Variants in RFX4 observed in about 807,000 individuals in gnomAD.
The protein encoded by RFX4 is regulatory factor X4.
A neutral mutation model predicts 95.0 loss-of-function variants in RFX4; 10 were observed. The ratio of observed to expected loss-of-function variants is 0.11; its 90% CI spans 0.06 to 0.18. The LOEUF (loss-of-function observed/expected upper bound fraction) is 0.18, where lower values mean the gene tolerates loss of function less well. Among genes scored for constraint, RFX4 ranks in the 10% least tolerant of loss-of-function variants. RFX4 has a pLI of 1.00. For missense variants in RFX4, 640 were observed against 922.0 expected (o/e 0.69, Z 3.96); for synonymous variants, 321 against 340.7 (o/e 0.94, Z 0.64).
chr12:106,740,024 G>A (rs773764293), intron 15 of RFX4, among the ~76,000 whole-genome samples: 1 of 152,118 alleles, frequency 6.6e-6, no homozygotes, highest in South Asian at 2.1e-4. Context: ...CTAAAACCTC[G>A]TTTATGATGT....
At chr12:106,672,262 GCCA>G (rs933015918) in intron 4 of RFX4, among the ~76,000 whole-genome samples, 26 of 152,262 alleles carry the variant, frequency 1.7e-4, no homozygotes, top group African/African-American at 5.5e-4. Flanking sequence ...GAGTGACATG[GCCA>G]CCACCACCTA....
chr12:106,705,365 C>T (rs550321720), intron 8 of RFX4, among the ~76,000 whole-genome samples: 8 of 152,250 alleles, frequency 5.3e-5, no homozygotes, highest in East Asian at 3.9e-4. Flanking sequence ...GGCAGCCAGC[C>T]GCACAAGAGG....
At chr12:106,658,836 C>T (rs1460516233) in intron 4 of RFX4, among the ~76,000 whole-genome samples, 1 of 152,140 alleles carries the variant, frequency 6.6e-6, no homozygotes, top group East Asian at 1.9e-4. Flanking sequence ...GCTGCTTTGG[C>T]CCCTCGGGTA....
intron 8 of RFX4, among the ~76,000 whole-genome samples, chr12:106,701,601 A>G (rs1439011681): frequency 2.0e-5 from 3 of 152,082 alleles, no homozygotes; most frequent in Non-Finnish European, 4.4e-5. Context: ...AGTAATTTTT[A>G]CTGACCTATC....
intron 4 of RFX4, among the ~76,000 whole-genome samples, chr12:106,678,631 A>C (rs998912781): frequency 6.6e-6 from 1 of 152,230 alleles, no homozygotes; most frequent in Non-Finnish European, 1.5e-5. Flanking sequence ...TAAATATACA[A>C]ACCCTTTTTG....
intron 2 of RFX4, among the ~76,000 whole-genome samples, chr12:106,624,731 T>A (rs924467674): frequency 1.3e-5 from 2 of 152,174 alleles, no homozygotes; most frequent in African/African-American, 4.8e-5. Context: ...ATATTTACTA[T>A]CTGGCTCTAT....
In RFX4 at chr12:106,646,680, G is replaced by A. The variant is rs150987642; in HGVS notation, c.191+7288G>A. ...AAACCTACAGGTTCAGCAATCACCCGTGGGATGCCAGGCTTGTCAGGTGAT... is the reference window on the plus strand; with the variant it reads ...AAACCTACAGGTTCAGCAATCACCCATGGGATGCCAGGCTTGTCAGGTGAT... On this transcript the variant is annotated intron_variant, in intron 3 of 17. Coordinates refer to ENST00000392842, the MANE Select transcript of RFX4 (RefSeq NM_213594.3). 3.1e-4 allele frequency among the ~76,000 whole-genome samples: 47 copies of A among 152,252 alleles called. 2 individuals carry two copies. The highest frequency in any genetic ancestry group is 1.0e-3 in the African/African-American group (43 of 41,556).
At chr12:106,704,802 T>A (rs1765997920) in intron 8 of RFX4, among the ~76,000 whole-genome samples, 1 of 151,872 alleles carries the variant, frequency 6.6e-6, no homozygotes. Context: ...AGTAAGAAAG[T>A]GTGTGTGTAT....
chr12:106,731,998 C>T lies in RFX4; in HGVS notation c.1352-132C>T, dbSNP rs948833066. On this transcript the variant is annotated intron_variant, in intron 13 of 17. Coordinates refer to ENST00000392842, the MANE Select transcript of RFX4 (RefSeq NM_213594.3). ...CTGCAACCTATGACCATGAGGAGAT[C>T]ATAATTGAGTGGAAAATTAGACTCT... 4.6e-6 allele frequency: 6 copies of T among 1,312,404 alleles called. No individual in the cohort carries two copies. The African/African-American group carries it at 8.8e-5, about 19-fold the overall frequency. 81.3% of individuals were successfully genotyped at this position (1,312,404 alleles called of 1,614,324 possible).
chr12:106,623,660 C>T (rs750874114), intron 2 of RFX4, among the ~76,000 whole-genome samples: 18 of 152,182 alleles, frequency 1.2e-4, no homozygotes, highest in Non-Finnish European at 2.2e-4. Flanking sequence ...ATGCTTTGGC[C>T]TGTGGTCCCA....
rs2042622389 is a variant in RFX4, at chr12:106,732,047, TGTAA to T, written c.1352-82_1352-79del. Reference sequence around the variant, plus strand: ...CTTGAGCAGAGCATTTAGAACACTGTGTAACTTGTGCAGTTGACCAGACAGAGGG... The same window carrying T: ...CTTGAGCAGAGCATTTAGAACACTGTCTTGTGCAGTTGACCAGACAGAGGG... On this transcript the variant is annotated intron_variant, in intron 13 of 17. Coordinates refer to ENST00000392842, the MANE Select transcript of RFX4 (RefSeq NM_213594.3). 2.6e-6 allele frequency: 4 copies of T among 1,561,194 alleles called. No homozygotes were observed. In the African/African-American group the frequency reaches 5.4e-5, roughly 21 times the overall value.
At chr12:106,749,723 T>C (rs1022122762) in intron 16 of RFX4, among the ~76,000 whole-genome samples, 1 of 152,208 alleles carries the variant, frequency 6.6e-6, no homozygotes, top group African/African-American at 2.4e-5. Flanking sequence ...TGTTCACACA[T>C]ACGATCCTCA....
At chr12:106,654,195 C>T in intron 3 of RFX4, 33 bp from the exon 4 acceptor site, 5 of 1,613,542 alleles carry the variant, frequency 3.1e-6, no homozygotes, top group South Asian at 1.1e-5. Flanking sequence ...GAAGGTAACA[C>T]ATTTTTTGCT....
intron 17 of RFX4, among the ~76,000 whole-genome samples, chr12:106,758,950 G>A (rs548757985): frequency 3.3e-5 from 5 of 152,276 alleles, no homozygotes; most frequent in South Asian, 2.1e-4. Flanking sequence ...TAGTAGTAAC[G>A]TCCCAATGTT....
chr12:106,740,275 T>C (rs1226284737), intron 15 of RFX4, among the ~76,000 whole-genome samples: 1 of 152,148 alleles, frequency 6.6e-6, no homozygotes, highest in African/African-American at 2.4e-5. Flanking sequence ...AACCGACCCT[T>C]AGTCTTTCCA....
chr12:106,724,332 G>A (rs1244365447), intron 13 of RFX4, among the ~76,000 whole-genome samples: 1 of 152,230 alleles, frequency 6.6e-6, no homozygotes, highest in African/African-American at 2.4e-5. Context: ...TGCAGCAAAT[G>A]TCAGAATTCT....
chr12:106,703,530 G>A (rs532673132), intron 8 of RFX4, among the ~76,000 whole-genome samples: 11 of 152,258 alleles, frequency 7.2e-5, no homozygotes, highest in African/African-American at 1.4e-4. Context: ...TCAAGTGAAC[G>A]GAGGCTAAAT....
Position 106,601,272 on chromosome 12 carries a change from A to C in RFX4, c.44-7525A>C, listed in dbSNP as rs372101740. 4.4e-6 allele frequency: 7 copies of C among 1,587,572 alleles called. No individual in the cohort carries two copies. The African/African-American group carries it at 5.4e-5, about 12-fold the overall frequency. ...AGGAGAGAGACAGAAAGGGGCTGAG[A>C]CAGAATGATCAAAAGGAGAGCCCAC... On this transcript the variant is annotated intron_variant, in intron 1 of 17. Transcript: ENST00000392842.
At chr12:106,670,257 C>A (rs1330291461) in intron 4 of RFX4, among the ~76,000 whole-genome samples, 1 of 152,118 alleles carries the variant, frequency 6.6e-6, no homozygotes, top group African/African-American at 2.4e-5. Flanking sequence ...CTGCCATCAC[C>A]ACCCTCGCCC....
Sources: allele counts gnomAD v4.1 joint callset (sites outside exome capture counted in the v4.1 genomes callset), GRCh38; gene constraint gnomAD v4.1.1; transcripts MANE v1.5; gene names NCBI Gene and HGNC (gene_info 2026-07-23, HGNC 2026-07-21).